Variants in LYRM4 observed in about 807,000 individuals in gnomAD.
LYRM4 encodes LYR motif containing 4, also known as LYR motif-containing protein 4.
In LYRM4, 9 loss-of-function variants were observed where a neutral mutation model predicts 11.7. The observed-to-expected ratio is 0.77, with a 90% CI of 0.46 to 1.34. LYRM4 has a LOEUF of 1.34. LYRM4 is among the 40% of genes most tolerant of loss of function. The probability of loss-of-function intolerance (pLI) is 0.00; values close to 1 mark genes in which losing one functional copy is unlikely to be tolerated. For missense variants in LYRM4, 133 were observed against 112.5 expected, an observed-to-expected ratio of 1.18 and a Z score of -0.82; for synonymous variants, 42 against 40.4, an observed-to-expected ratio of 1.04 and a Z score of -0.15.
chr6:5,050,299 C>A, the LYRM4 span, among the ~76,000 whole-genome samples: 2 of 152,232 alleles, frequency 1.3e-5, no homozygotes, highest in African/African-American at 4.8e-5. Flanking sequence ...GTGCCTGAGG[C>A]AGCTTGCAAA....
intron 2 of LYRM4, among the ~76,000 whole-genome samples, chr6:5,214,142 T>C (rs1011943075): frequency 2.0e-4 from 30 of 151,954 alleles, no homozygotes; most frequent in African/African-American, 6.8e-4. Context: ...AGGGAGAAAA[T>C]AGACAAGGCC....
At chr6:5,241,393 G>A (rs1184073431) in intron 1 of LYRM4, among the ~76,000 whole-genome samples, 1 of 152,194 alleles carries the variant, frequency 6.6e-6, no homozygotes, top group Non-Finnish European at 1.5e-5. Context: ...GTGTAAGTAT[G>A]GAGGAGAGAT....
At chr6:5,049,046 T>C in the LYRM4 span, among the ~76,000 whole-genome samples, 101 of 152,092 alleles carry the variant, frequency 6.6e-4, 4 homozygotes, top group Middle Eastern at 6.8e-3. Context: ...AAGAAAGATT[T>C]GGGAGGAGTC....
At chr6:5,186,512 C>T (rs1211887084) in intron 2 of LYRM4, 30 of 936,450 alleles carry the variant, frequency 3.2e-5, no homozygotes, top group Non-Finnish European at 3.8e-5. Context: ...GAAGGTTAAA[C>T]TGAACTCCCA....
chr6:5,260,539 C>T, intron 1 of LYRM4, 109 bp downstream of exon 1: 2 of 1,436,898 alleles, frequency 1.4e-6, no homozygotes, highest in Non-Finnish European at 1.9e-6. Flanking sequence ...TCGCAGCCGC[C>T]GGCAAACCAC....
chr6:5,143,806 G>A (rs529872939), intron 2 of LYRM4, among the ~76,000 whole-genome samples: 63 of 151,958 alleles, frequency 4.1e-4, no homozygotes, highest in African/African-American at 1.4e-3. Context: ...CATGCGGCCA[G>A]CAGATGGCGA....
intron 1 of LYRM4, among the ~76,000 whole-genome samples, chr6:5,231,429 T>A (rs1374546897): frequency 6.6e-6 from 1 of 152,120 alleles, no homozygotes; most frequent in African/African-American, 2.4e-5. Context: ...GTTCCCTCAA[T>A]CCCTGAATAC....
chr6:5,138,132 A>G (rs1220786241), intron 2 of LYRM4, among the ~76,000 whole-genome samples: 1 of 152,208 alleles, frequency 6.6e-6, no homozygotes, highest in Non-Finnish European at 1.5e-5. Flanking sequence ...AGGAGGATTC[A>G]TGAAAGTAAA....
chr6:5,121,150 A>G (rs1763437418), intron 2 of LYRM4, among the ~76,000 whole-genome samples: 1 of 152,196 alleles, frequency 6.6e-6, no homozygotes, highest in Admixed American at 6.5e-5. Flanking sequence ...TCCAAAAAAC[A>G]AGCAAAAAAC....
intron 2 of LYRM4, among the ~76,000 whole-genome samples, chr6:5,117,082 A>C (rs959925482): frequency 1.3e-5 from 2 of 152,216 alleles, no homozygotes; most frequent in Non-Finnish European, 2.9e-5. Context: ...TATGGGAATC[A>C]AACAAAACAC....
intron 1 of LYRM4, among the ~76,000 whole-genome samples, chr6:5,220,366 G>A (rs1762514903): frequency 6.6e-6 from 1 of 152,134 alleles, no homozygotes; most frequent in Non-Finnish European, 1.5e-5. Flanking sequence ...TTTCATTTCT[G>A]TCATCTTCAT....
At chr6:5,115,639 G>C (rs1763084991) in intron 2 of LYRM4, among the ~76,000 whole-genome samples, 1 of 152,206 alleles carries the variant, frequency 6.6e-6, no homozygotes, top group South Asian at 2.1e-4. Flanking sequence ...AGACCCCACA[G>C]GAAACCCACA....
intron 2 of LYRM4, among the ~76,000 whole-genome samples, chr6:5,117,750 C>T (rs533871404): frequency 2.6e-5 from 4 of 152,174 alleles, no homozygotes; most frequent in Admixed American, 2.0e-4. Context: ...CAACTGTAGT[C>T]CCAGCTACTC....
At chr6:5,253,425 C>A (rs1396626442) in intron 1 of LYRM4, among the ~76,000 whole-genome samples, 12 of 149,848 alleles carry the variant, frequency 8.0e-5, no homozygotes. Flanking sequence ...GGGCAATTCT[C>A]AGTTTTTTTT....
intron 2 of LYRM4, among the ~76,000 whole-genome samples, chr6:5,131,400 T>C (rs1037560125): frequency 1.3e-5 from 2 of 152,130 alleles, no homozygotes; most frequent in African/African-American, 4.8e-5. Context: ...AGAGAATACA[T>C]GAAAAAAATT....
At chr6:5,104,563 A>T (rs564041261), downstream of LYRM4, 1 of 152,334 alleles carries the variant, frequency 6.6e-6, no homozygotes, top group East Asian at 1.9e-4. Context: ...GGTATGAGCC[A>T]CCACACCCAA....
intron 1 of LYRM4, among the ~76,000 whole-genome samples, chr6:5,259,403 A>G (rs1263204677): frequency 1.3e-5 from 2 of 152,266 alleles, no homozygotes; most frequent in East Asian, 3.8e-4. Flanking sequence ...GTCATTAAGT[A>G]AAATCATTCT....
the LYRM4 span, chr6:5,085,902 G>C: frequency 6.5e-7 from 1 of 1,531,734 alleles, no homozygotes; most frequent in Non-Finnish European, 8.7e-7. Context: ...ACACGCTGGG[G>C]CTAAGCCTGG....
chr6:5,072,094 C>T, the LYRM4 span, among the ~76,000 whole-genome samples: 1 of 152,148 alleles, frequency 6.6e-6, no homozygotes, highest in Non-Finnish European at 1.5e-5. Context: ...TTTTCTGTTC[C>T]TGTTAGTTTA....
Sources: gnomAD v4.1 joint callset for allele counts (sites outside exome capture counted in the v4.1 genomes callset) on GRCh38, gnomAD v4.1.1 for gene constraint, MANE v1.5 for transcripts, NCBI Gene and HGNC (gene_info 2026-07-23, HGNC 2026-07-21) for gene names.